The following APP variants were observed in gnomAD, a reference collection of about 807,000 sequenced individuals.
APP encodes the protein amyloid-beta precursor protein.
A neutral mutation model predicts 101.4 loss-of-function variants in APP; 31 were observed. The observed-to-expected ratio is 0.31, with a 90% CI of 0.23 to 0.41. The LOEUF (loss-of-function observed/expected upper bound fraction) is 0.41, where lower values mean the gene tolerates loss of function less well. Among genes scored for constraint, APP ranks in the 10% least tolerant of loss-of-function variants. APP has a pLI of 1.00. For synonymous variants in APP, 366 were observed against 364.4 expected (o/e 1.00, Z -0.05); for missense variants, 839 against 1,003.7 (o/e 0.84, Z 2.22).
At chr21:25,899,734 A>G (rs906343797) in intron 15 of APP, among the ~76,000 whole-genome samples, 7 of 152,192 alleles carry the variant, frequency 4.6e-5, no homozygotes, top group Non-Finnish European at 7.3e-5. Context: ...CCTGACCTAT[A>G]AAAACTGTAA....
chr21:26,090,147 C>T (rs571444191), intron 2 of APP, 75 bp from the exon 3 acceptor site: 141 of 1,597,932 alleles, frequency 8.8e-5, no homozygotes, highest in Non-Finnish European at 1.1e-4. Flanking sequence ...AACAAGCCTC[C>T]ACTGTAAGGT....
intron 13 of APP, among the ~76,000 whole-genome samples, chr21:25,954,163 A>G (rs774675213): frequency 6.6e-6 from 1 of 152,224 alleles, no homozygotes; most frequent in Admixed American, 6.5e-5. Context: ...ACAGGCCAGT[A>G]AGTTACTCAA....
At chr21:26,034,559 G>A (rs912280356) in intron 5 of APP, among the ~76,000 whole-genome samples, 7 of 150,186 alleles carry the variant, frequency 4.7e-5, no homozygotes, top group African/African-American at 1.5e-4. Context: ...GGAGAATGGC[G>A]TGAACCTGGG....
chr21:26,146,939 A>ATGTTGGG (rs1380992588), intron 1 of APP, among the ~76,000 whole-genome samples: 2,684 of 152,282 alleles, frequency 0.018, 78 homozygotes, highest in African/African-American at 0.06. Flanking sequence ...ACCCAACACC[A>ATGTTGGG]TTAACTAAAT....
chr21:26,056,428 T>A (rs1357742599), intron 3 of APP, among the ~76,000 whole-genome samples: 1 of 152,196 alleles, frequency 6.6e-6, no homozygotes, highest in African/African-American at 2.4e-5. Context: ...AGGAGTTCAT[T>A]AGCTAAGGAT....
intron 11 of APP, among the ~76,000 whole-genome samples, chr21:25,960,021 G>A (rs148885877): frequency 2.6e-5 from 4 of 152,272 alleles, no homozygotes; most frequent in Non-Finnish European, 4.4e-5. Context: ...GCCCAATAAC[G>A]AGATGCAGAT....
At chr21:26,162,193 G>T (rs1173587348) in intron 1 of APP, among the ~76,000 whole-genome samples, 1 of 152,200 alleles carries the variant, frequency 6.6e-6, no homozygotes, top group Non-Finnish European at 1.5e-5. Flanking sequence ...GTCAGATGTG[G>T]TGGCACATGC....
intron 11 of APP, among the ~76,000 whole-genome samples, chr21:25,964,534 A>C (rs1199591653): frequency 6.6e-6 from 1 of 151,968 alleles, no homozygotes; most frequent in Non-Finnish European, 1.5e-5. Flanking sequence ...TAAAGACAAG[A>C]GTTTATGTTA....
chr21:26,067,106 A>G (rs917634150), intron 3 of APP, among the ~76,000 whole-genome samples: 4 of 152,346 alleles, frequency 2.6e-5, no homozygotes, highest in African/African-American at 9.6e-5. Context: ...GAGGCCACAT[A>G]TCTAATTTAA....
chr21:26,141,643 G>C lies in APP; in HGVS notation c.57+28921C>G, dbSNP rs141260513. On this transcript the variant is annotated intron_variant, in intron 1 of 17. Transcript: ENST00000346798. The stretch of plus-strand genomic sequence containing the variant: ...CACTATGAGCCAATCAATCACCAAT[G>C]CTGGCTTAGTAGTCATATTAATAAA... 1.1e-4 allele frequency among the ~76,000 whole-genome samples: 17 copies of C among 152,278 alleles called. No homozygotes were observed. In the East Asian group the frequency reaches 2.9e-3, roughly 26 times the overall value.
chr21:26,105,798 C>T (rs1016827443), intron 2 of APP, among the ~76,000 whole-genome samples: 9 of 152,302 alleles, frequency 5.9e-5, no homozygotes, highest in African/African-American at 2.2e-4. Context: ...CACTTAAAAT[C>T]CTAATGCATG....
chr21:25,916,373 G>A lies in APP; in HGVS notation c.1688-4411C>T, dbSNP rs150010567. On this transcript the variant is annotated intron_variant, in intron 13 of 17. Coordinates refer to ENST00000346798, the MANE Select transcript of APP (RefSeq NM_000484.4). ...ATTATCAGAAGTGGAATTCAATTTC[G>A]TCATCATAAAATGTCTAAGGCAGCC... Among the ~76,000 whole-genome samples, 325 of 152,292 alleles carry A rather than the reference G, an allele frequency of 2.1e-3. 2 individuals are homozygous for A. The highest frequency in any genetic ancestry group is 6.8e-3 in the Middle Eastern group (2 of 294).
intron 6 of APP, among the ~76,000 whole-genome samples, chr21:26,007,579 A>G (rs1023024830): frequency 6.6e-6 from 1 of 151,132 alleles, no homozygotes; most frequent in Non-Finnish European, 1.5e-5. Context: ...TTATTTTTTT[A>G]GCCTAAGTTA....
In APP at chr21:25,891,410, GA is replaced by G. The variant is rs537618361; in HGVS notation, c.2211+311del. Among the ~76,000 whole-genome samples the G allele has an allele frequency of 5.2e-4, 76 of 146,582 alleles. 1 individual carries two copies. Among genetic ancestry groups the G allele is most frequent in the East Asian group, 2.2e-3 (11 of 5,086 alleles). On this transcript the variant is annotated intron_variant, in intron 17 of 17. Transcript: ENST00000346798. ...GTACTGGTTTTTGTTGCTTGTGTTTGAAAAAAAAAAGTCTAAGAGTAATCAT... is the reference window on the plus strand; with the variant it reads ...GTACTGGTTTTTGTTGCTTGTGTTTGAAAAAAAAAGTCTAAGAGTAATCAT...
At chr21:26,013,138 G>A (rs1252875861) in intron 6 of APP, among the ~76,000 whole-genome samples, 5 of 152,130 alleles carry the variant, frequency 3.3e-5, no homozygotes, top group African/African-American at 1.2e-4. Flanking sequence ...CCAACATGGT[G>A]AAAACCTGTC....
chr21:26,029,552 GC>G (rs1199088645), intron 5 of APP, among the ~76,000 whole-genome samples: 1 of 152,116 alleles, frequency 6.6e-6, no homozygotes, highest in African/African-American at 2.4e-5. Context: ...AAGTCCAGGG[GC>G]CAAAGATAGC....
chr21:26,164,502 A>G (rs2063564688), intron 1 of APP, among the ~76,000 whole-genome samples: 1 of 152,238 alleles, frequency 6.6e-6, no homozygotes, highest in African/African-American at 2.4e-5. Flanking sequence ...TTCCTTGCAC[A>G]TAGCTGATAG....
intron 3 of APP, among the ~76,000 whole-genome samples, chr21:26,085,391 CT>C (rs1452332618): frequency 6.6e-6 from 1 of 152,130 alleles, no homozygotes; most frequent in Admixed American, 6.5e-5. Flanking sequence ...AGTCATCATT[CT>C]CATCACAGTG....
intron 14 of APP, among the ~76,000 whole-genome samples, chr21:25,906,293 G>A (rs2038785883): frequency 6.6e-6 from 1 of 152,248 alleles, no homozygotes; most frequent in African/African-American, 2.4e-5. Context: ...TGTAGAGACT[G>A]GCAGCATGGT....
Sources: allele counts gnomAD v4.1 joint callset (sites outside exome capture counted in the v4.1 genomes callset), GRCh38; gene constraint gnomAD v4.1.1; transcripts MANE v1.5; gene names NCBI Gene and HGNC (gene_info 2026-07-23, HGNC 2026-07-21).